Variants in CNPY1 observed in about 807,000 individuals in gnomAD.
The protein encoded by CNPY1 is protein canopy homolog 1.
In CNPY1, 14 loss-of-function variants were observed where a neutral mutation model predicts 14.4. That is an observed-to-expected ratio of 0.97 (90% confidence interval 0.64 to 1.52). CNPY1 has a LOEUF of 1.52. Ranked by LOEUF, CNPY1 falls within the 40% of genes most tolerant of loss-of-function variation. The probability of loss-of-function intolerance (pLI) is 0.00; values close to 1 mark genes in which losing one functional copy is unlikely to be tolerated. For synonymous variants in CNPY1, 43 were observed against 46.5 expected, an observed-to-expected ratio of 0.92 and a Z score of 0.31; for missense variants, 129 against 131.5, an observed-to-expected ratio of 0.98 and a Z score of 0.09.
chr7:155,527,314 A>T (rs1223046642), intron 2 of CNPY1, among the ~76,000 whole-genome samples: 11 of 151,582 alleles, frequency 7.3e-5, no homozygotes, highest in Admixed American at 7.2e-4. Flanking sequence ...GAGCGACTGC[A>T]GTGCTGGCAA....
In CNPY1 at chr7:155,502,914, C is replaced by A; in HGVS notation, c.*154G>T. On this transcript the variant is annotated 3_prime_UTR_variant, in exon 5 of 5. Transcript: ENST00000636446. ...CAGGGTTTGTCATGATGTCAACCAA[C>A]AGATTTTCAAAATGAATCATAAACG... The A allele has an allele frequency of 4.7e-6, 3 of 639,424 alleles. No homozygotes were observed. Among genetic ancestry groups the A allele is most frequent in the Middle Eastern group, 5.1e-4 (2 of 3,950 alleles). 39.6% of individuals were successfully genotyped at this position (639,424 alleles called of 1,614,324 possible).
At chr7:155,537,624 C>T (rs1302943223) in intron 2 of CNPY1, among the ~76,000 whole-genome samples, 2 of 151,952 alleles carry the variant, frequency 1.3e-5, no homozygotes, top group Non-Finnish European at 2.9e-5. Context: ...GGGGTTTCAC[C>T]GTGTTGCCCA....
At chr7:155,518,527 G>A (rs975926855) in intron 2 of CNPY1, 6 of 152,156 alleles carry the variant, frequency 3.9e-5, no homozygotes, top group African/African-American at 1.4e-4. Flanking sequence ...AGTGTCTTGA[G>A]TGCTGAATAT....
In CNPY1 at chr7:155,536,565, T is replaced by G. The variant is rs1797024722; in HGVS notation, c.99+9266A>C. 6.6e-6 allele frequency among the ~76,000 whole-genome samples: 1 copy of G among 152,140 alleles called. No homozygotes were observed. Among genetic ancestry groups the G allele is most frequent in the Admixed American group, 6.5e-5 (1 of 15,268 alleles). ...AGGACATGTGCTGGAGTCCCAGCCG[T>G]GGAACGTAGGCAGAAGCAAGGCCCC... On this transcript the variant is annotated intron_variant, in intron 2 of 4. Transcript: ENST00000636446. The surrounding 1 kb of genome is among the most constrained non-coding windows in gnomAD (Gnocchi z 4.1).
intron 2 of CNPY1, among the ~76,000 whole-genome samples, chr7:155,509,774 G>A (rs1374552270): frequency 6.6e-6 from 1 of 152,204 alleles, no homozygotes; most frequent in Non-Finnish European, 1.5e-5. Flanking sequence ...TTTGGGAACA[G>A]CTGGTGCACG....
At chr7:155,545,541 C>A (rs1797148158) in intron 2 of CNPY1, among the ~76,000 whole-genome samples, 1 of 152,178 alleles carries the variant, frequency 6.6e-6, no homozygotes, top group Non-Finnish European at 1.5e-5. Flanking sequence ...CTCTTCTGGG[C>A]CCCCTGCTGG....
intron 2 of CNPY1, among the ~76,000 whole-genome samples, chr7:155,515,775 A>C (rs551623574): frequency 6.6e-6 from 1 of 152,230 alleles, no homozygotes; most frequent in East Asian, 1.9e-4. Flanking sequence ...CTTTTCAATG[A>C]GCGTTCATTT....
At chr7:155,509,720 C>A (rs1796469417) in intron 2 of CNPY1, among the ~76,000 whole-genome samples, 2 of 152,306 alleles carry the variant, frequency 1.3e-5, no homozygotes, top group Admixed American at 1.3e-4. Flanking sequence ...AAGGGGCTCA[C>A]GGACGGGCGC....
intron 2 of CNPY1, among the ~76,000 whole-genome samples, chr7:155,544,359 C>G (rs769349540): frequency 6.6e-6 from 1 of 152,218 alleles, no homozygotes; most frequent in African/African-American, 2.4e-5. Context: ...CCCTTCCAGC[C>G]CCTTCCTCAG....
At chr7:155,544,304 C>G (rs1421665700) in intron 2 of CNPY1, among the ~76,000 whole-genome samples, 1 of 152,214 alleles carries the variant, frequency 6.6e-6, no homozygotes, top group Non-Finnish European at 1.5e-5. Context: ...CACTTAAAGG[C>G]TGTCGCCCAG....
chr7:155,507,471 TAAAAAAA>T (rs35711313), intron 3 of CNPY1, among the ~76,000 whole-genome samples: 1,012 of 54,158 alleles, frequency 0.019, 22 homozygotes, highest in Non-Finnish European at 0.022. Context: ...GTTTTTAAAC[TAAAAAAA>T]AAAAAAAAAA....
intron 2 of CNPY1, among the ~76,000 whole-genome samples, chr7:155,530,567 C>T (rs769840347): frequency 3.3e-5 from 5 of 152,102 alleles, no homozygotes; most frequent in African/African-American, 7.2e-5. Flanking sequence ...TGGCCTCAGG[C>T]GATCCTTCTA....
chr7:155,505,747 C>G (rs1435352932), intron 4 of CNPY1, among the ~76,000 whole-genome samples: 5 of 152,228 alleles, frequency 3.3e-5, no homozygotes, highest in South Asian at 2.1e-4. Flanking sequence ...TGCCTACATA[C>G]ATCTCTGAAT....
At chr7:155,517,638 A>G (rs1359358993) in intron 2 of CNPY1, among the ~76,000 whole-genome samples, 1 of 152,166 alleles carries the variant, frequency 6.6e-6, no homozygotes, top group East Asian at 1.9e-4. Flanking sequence ...CTGCACATGC[A>G]AAAAATGGTT....
At chr7:155,521,307 G>A (rs959427334) in intron 2 of CNPY1, among the ~76,000 whole-genome samples, 1 of 152,232 alleles carries the variant, frequency 6.6e-6, no homozygotes, top group African/African-American at 2.4e-5. Flanking sequence ...ACAAAAACAA[G>A]TGGTGTTTCT....
chr7:155,509,066 G>A lies in CNPY1; in HGVS notation c.131C>T (p.Thr44Met), dbSNP rs1379805177. 5.0e-6 allele frequency: 8 copies of A among 1,604,216 alleles called. No individual in the cohort carries two copies. The highest frequency in any genetic ancestry group is 4.1e-5 in the African/African-American group (3 of 73,954). Residue 44 changes from threonine to methionine, a missense_variant, in exon 3 of 5, where the codon ACG (threonine) becomes ATG (methionine). By Grantham distance (81) the Thr-to-Met change is moderately conservative. Coordinates refer to ENST00000636446, the MANE Select transcript of CNPY1 (RefSeq NM_001393663.1). ...CTCACAGACTTTCTCCAAAAGATCC[G>A]TTAGGAACGCCTCCGACTGAGCTAG... ...IPLAQSEAFL[T>M]DLLEKVCERM... is the part of the protein sequence containing the mutation.
At chr7:155,522,071 G>A (rs555812908) in intron 2 of CNPY1, among the ~76,000 whole-genome samples, 3 of 152,352 alleles carry the variant, frequency 2.0e-5, no homozygotes, top group Admixed American at 6.5e-5. Flanking sequence ...GCACACACGT[G>A]CCCACATGCA....
At chr7:155,537,121 T>TG (rs1797033045) in intron 2 of CNPY1, among the ~76,000 whole-genome samples, 1 of 152,180 alleles carries the variant, frequency 6.6e-6, no homozygotes, top group African/African-American at 2.4e-5. Context: ...CATGCTAACA[T>TG]CTTCTCATGT....
intron 2 of CNPY1, among the ~76,000 whole-genome samples, chr7:155,528,359 A>C (rs1294357443): frequency 6.6e-6 from 1 of 152,366 alleles, no homozygotes; most frequent in South Asian, 2.1e-4. Context: ...AGACTCGCCC[A>C]TTCTGGGCAA....
Sources: allele counts gnomAD v4.1 joint callset (sites outside exome capture counted in the v4.1 genomes callset), GRCh38; gene constraint gnomAD v4.1.1; non-coding constraint Gnocchi (gnomAD v3.1); transcripts MANE v1.5; gene names NCBI Gene and HGNC (gene_info 2026-07-23, HGNC 2026-07-21).